Variants in IRGM observed in about 807,000 individuals in gnomAD.
The protein encoded by IRGM is immunity-related GTPase family M protein.
For missense variants in IRGM, 288 were observed against 219.9 expected (o/e 1.31, Z -1.96); for synonymous variants, 98 against 80.6 (o/e 1.22, Z -1.16).
intron 1 of IRGM, among the ~76,000 whole-genome samples, chr5:150,856,769 C>T (rs1754058118): frequency 6.6e-6 from 1 of 151,326 alleles, no homozygotes. Context: ...TGCATGGGGC[C>T]TGCTGCATTT....
Position 150,847,912 on chromosome 5 carries a change from C to T in IRGM, c.-212C>T. ...CTGCGTCCAGGGTTCAAGCGATTCC[C>T]CTGCCTCAGCCTCCTGTATTAGCTG... On this transcript the variant is annotated 5_prime_UTR_variant, in exon 2 of 2. Coordinates refer to ENST00000522154, the MANE Select transcript of IRGM (RefSeq NM_001145805.2). 3.7e-6 allele frequency: 2 copies of T among 536,528 alleles called. No homozygotes were observed. Among genetic ancestry groups the T allele is most frequent in the Non-Finnish European group, 6.7e-6 (2 of 300,106 alleles). The allele number at this position is 536,528 out of a possible 1,614,324, so 33.2% of individuals were successfully genotyped here.
chr5:150,863,266 T>A (rs1017832249), intron 1 of IRGM, among the ~76,000 whole-genome samples: 1 of 152,168 alleles, frequency 6.6e-6, no homozygotes, highest in African/African-American at 2.4e-5. Context: ...AGAAAAAAGT[T>A]TTAGACCACT....
At chr5:150,860,896 C>A (rs556096433) in intron 1 of IRGM, among the ~76,000 whole-genome samples, 1 of 151,690 alleles carries the variant, frequency 6.6e-6, no homozygotes, top group African/African-American at 2.4e-5. Flanking sequence ...ATTTTTTTTT[C>A]AGAGTATATT....
chr5:150,895,806 G>A (rs1754744076), intron 3 of IRGM: 7 of 1,613,540 alleles, frequency 4.3e-6, no homozygotes, highest in Non-Finnish European at 5.9e-6. Flanking sequence ...GATGAGCTGT[G>A]ACTTGCGGGA....
chr5:150,885,544 T>A (rs1754508333), intron 3 of IRGM, among the ~76,000 whole-genome samples: 1 of 152,138 alleles, frequency 6.6e-6, no homozygotes, highest in African/African-American at 2.4e-5. Flanking sequence ...TTTTTATCCA[T>A]GAGCATGGGA....
At chr5:150,897,283 T>C in intron 3 of IRGM, 1 of 242,730 alleles carries the variant, frequency 4.1e-6, no homozygotes, top group Non-Finnish European at 7.9e-6. Context: ...TTTCACCTTT[T>C]AATTTCATTT....
downstream of IRGM, among the ~76,000 whole-genome samples, chr5:150,851,388 G>A (rs11957134): frequency 0.13 from 20,417 of 152,086 alleles, 1,807 homozygotes; most frequent in East Asian, 0.39. Flanking sequence ...TCAAATGTTC[G>A]CAATTTAGCA....
chr5:150,866,130 C>T (rs113208116), intron 1 of IRGM, among the ~76,000 whole-genome samples: 2 of 152,148 alleles, frequency 1.3e-5, no homozygotes, highest in Non-Finnish European at 2.9e-5. Context: ...TCTATTGTTC[C>T]GTGATTCTGA....
chr5:150,849,595 C>CTT (rs1753942688), downstream of IRGM, among the ~76,000 whole-genome samples: 1 of 127,950 alleles, frequency 7.8e-6, no homozygotes, highest in African/African-American at 3.3e-5. Flanking sequence ...TGTAATTTTT[C>CTT]TTTTTCTCTC....
At position 150,876,149 on chromosome 5, in the gene IRGM, CACTT is replaced by C. The variant is rs1300167078; in HGVS notation, c.159-1828_159-1825del. ...CAGGTGGAATGCCCTTTTGAAGTCA[CACTT>C]ACAACACCAACTATGTGACAATACT... On this transcript the variant is annotated intron_variant and NMD_transcript_variant, in intron 1 of 3. Transcript: ENST00000520549. Among the ~76,000 whole-genome samples the C allele has an allele frequency of 2.0e-5, 3 of 152,318 alleles. No individual in the cohort carries two copies. The East Asian group carries it at 5.8e-4, about 29-fold the overall frequency.
chr5:150,859,326 T>G (rs1754102908), intron 1 of IRGM, among the ~76,000 whole-genome samples: 1 of 152,222 alleles, frequency 6.6e-6, no homozygotes, highest in Non-Finnish European at 1.5e-5. Flanking sequence ...GGATTCGGTG[T>G]GCCAGTATTT....
At chr5:150,881,983 G>A (rs959432513) in intron 3 of IRGM, among the ~76,000 whole-genome samples, 1 of 152,030 alleles carries the variant, frequency 6.6e-6, no homozygotes, top group Non-Finnish European at 1.5e-5. Flanking sequence ...AGGAGTTATT[G>A]ACTGCCTGAG....
chr5:150,900,568 A>G (rs1754959871), intron 3 of IRGM: 1 of 152,090 alleles, frequency 6.6e-6, no homozygotes, highest in African/African-American at 2.4e-5. Context: ...GTTGGTTTCT[A>G]CATCTCTTTT....
chr5:150,874,207 T>C (rs925014373), intron 1 of IRGM, among the ~76,000 whole-genome samples: 2 of 152,220 alleles, frequency 1.3e-5, no homozygotes, highest in African/African-American at 4.8e-5. Flanking sequence ...ATATCAACTC[T>C]CCAGCTTTGT....
In IRGM at chr5:150,896,792, T is replaced by C. The variant is rs769343516; in HGVS notation, c.*141-3797T>C. On this transcript the variant is annotated intron_variant and NMD_transcript_variant, in intron 3 of 3. Coordinates refer to the IRGM transcript ENST00000520549. ...CAGTCACTGTTTTGCTGTTAACAAA[T>C]GTGACCTGCCTGAAGAGTTTGTCTT... 1.9e-6 allele frequency: 3 copies of C among 1,613,802 alleles called. No individual in the cohort carries two copies. In the Admixed American group the frequency reaches 5.0e-5, roughly 27 times the overall value.
At position 150,848,244 on chromosome 5, in the gene IRGM, G is replaced by T. The variant is rs1561738748; in HGVS notation, c.121G>T (p.Asp41Tyr). 1 of 1,551,824 alleles carries T rather than the reference G, an allele frequency of 6.4e-7. No individual in the cohort carries two copies. The highest frequency in any genetic ancestry group is 1.4e-5 in the African/African-American group (1 of 73,160). ...ACCAGTTAACATCACTATGGCAGGG[G>T]ACTCTGGCAATGGGATGTCCACCTT... Reference protein sequence around the residue: ...RTPVNITMAGDSGNGMSTFIS... With the variant: ...RTPVNITMAGYSGNGMSTFIS... Residue 41 changes from aspartate (D) to tyrosine (Y), a missense_variant, in exon 2 of 2, where the codon GAC (aspartate) becomes TAC (tyrosine). By Grantham distance (160) the Asp-to-Tyr change is radical. Coordinates refer to ENST00000522154, the MANE Select transcript of IRGM (RefSeq NM_001145805.2).
At chr5:150,891,867 C>A (rs1754614739) in intron 3 of IRGM, among the ~76,000 whole-genome samples, 1 of 152,086 alleles carries the variant, frequency 6.6e-6, no homozygotes, top group African/African-American at 2.4e-5. Context: ...GTCTTCTCAA[C>A]AACAAAATCC....
At chr5:150,884,909 CTG>C (rs1413501466) in intron 3 of IRGM, among the ~76,000 whole-genome samples, 1 of 152,064 alleles carries the variant, frequency 6.6e-6, no homozygotes, top group Non-Finnish European at 1.5e-5. Context: ...TGCAGAAACT[CTG>C]TAGTTTAATT....
chr5:150,898,403 A>C (rs748348371), intron 3 of IRGM: 3 of 1,613,272 alleles, frequency 1.9e-6, no homozygotes, highest in Non-Finnish European at 1.7e-6. Flanking sequence ...GACAACTCTG[A>C]GTTATTCAGG....
Sources: gnomAD v4.1 joint callset for allele counts (sites outside exome capture counted in the v4.1 genomes callset) on GRCh38, gnomAD v4.1.1 for gene constraint, MANE v1.5 for transcripts, NCBI Gene and HGNC (gene_info 2026-07-23, HGNC 2026-07-21) for gene names.